The following ANKFN1 variants were observed in gnomAD, a reference collection of about 807,000 sequenced individuals.
The protein encoded by ANKFN1 is ankyrin repeat and fibronectin type-III domain-containing protein 1.
A neutral mutation model predicts 108.7 loss-of-function variants in ANKFN1; 74 were observed. The ratio of observed to expected loss-of-function variants is 0.68; its 90% confidence interval spans 0.56 to 0.83. The LOEUF is 0.83. Among genes scored for constraint, ANKFN1 ranks in the 40% least tolerant of loss-of-function variants. The probability of loss-of-function intolerance (pLI) is 0.00; values close to 1 mark genes in which losing one functional copy is unlikely to be tolerated. For missense variants in ANKFN1, 1,505 were observed against 1,382.3 expected (o/e 1.09, Z -1.41); for synonymous variants, 547 against 516.2 (o/e 1.06, Z -0.81).
intron 3 of ANKFN1, among the ~76,000 whole-genome samples, chr17:56,301,083 A>G (rs563155385): frequency 6.6e-6 from 1 of 152,370 alleles, no homozygotes; most frequent in East Asian, 1.9e-4. Flanking sequence ...CTTGGTGAAG[A>G]TGACATTCCT....
Position 56,076,053 on chromosome 17 carries a change from T to C in ANKFN1, c.288+29728T>C, listed in dbSNP as rs548386132. ...CTCTGGCATCTCTACCTATCTCTGA[T>C]ACACAATTTGGACTTTGCTAAATTT... On this transcript the variant is annotated intron_variant, in intron 4 of 12. Transcript: ENST00000635860. Among the ~76,000 whole-genome samples, 21 of 152,332 alleles carry C rather than the reference T, an allele frequency of 1.4e-4. No homozygotes were observed. The East Asian group carries it at 3.9e-3, about 28-fold the overall frequency.
At chr17:56,223,357 T>A (rs550595609) in intron 2 of ANKFN1, among the ~76,000 whole-genome samples, 11 of 152,316 alleles carry the variant, frequency 7.2e-5, no homozygotes, top group African/African-American at 2.6e-4. Flanking sequence ...AAATATTTTC[T>A]AAATGTTTGA....
At chr17:56,397,336 G>T (rs370367526) in intron 8 of ANKFN1, among the ~76,000 whole-genome samples, 2 of 152,264 alleles carry the variant, frequency 1.3e-5, no homozygotes, top group South Asian at 4.2e-4. Flanking sequence ...TTCTGATGAC[G>T]TGTGTGCTAA....
intron 14 of ANKFN1, among the ~76,000 whole-genome samples, chr17:56,463,144 G>T (rs899518464): frequency 6.6e-6 from 1 of 152,164 alleles, no homozygotes; most frequent in Non-Finnish European, 1.5e-5. Flanking sequence ...TAACAGACTA[G>T]GTGCCAGGCA....
rs554392150 is a variant in ANKFN1 at position 56,300,761 on chromosome 17, T to C, written c.54-25460T>C. On this transcript the variant is annotated intron_variant, in intron 3 of 20. Coordinates refer to ENST00000682825, the MANE Select transcript of ANKFN1 (RefSeq NM_001370326.1). ...TCCACACTTAGGCAGATGTCAATCATTGGCAATGTGCTGTGATGGAGTCCT... is the reference window on the plus strand; with the variant it reads ...TCCACACTTAGGCAGATGTCAATCACTGGCAATGTGCTGTGATGGAGTCCT... Among the ~76,000 whole-genome samples, 4 of 152,318 alleles carry C rather than the reference T, an allele frequency of 2.6e-5. No homozygotes were observed. In the South Asian group the frequency reaches 8.3e-4, roughly 32 times the overall value.
chr17:56,482,071 A>G (rs1401013731), intron 17 of ANKFN1, among the ~76,000 whole-genome samples: 2 of 151,936 alleles, frequency 1.3e-5, no homozygotes, highest in Admixed American at 6.6e-5. Context: ...TTGTTGCTTC[A>G]TGTAATTATA....
intron 18 of ANKFN1, among the ~76,000 whole-genome samples, chr17:56,483,627 G>T (rs531662021): frequency 4.6e-5 from 7 of 152,314 alleles, no homozygotes; most frequent in African/African-American, 1.7e-4. Context: ...GAGAGTCCTG[G>T]ATTCCCTATT....
At chr17:56,173,480 G>A (rs367872838) in intron 1 of ANKFN1, among the ~76,000 whole-genome samples, 194 of 151,904 alleles carry the variant, frequency 1.3e-3, no homozygotes, top group Non-Finnish European at 2.3e-3. Flanking sequence ...CTCAGCATGC[G>A]TCACCTTGCC....
rs1233190779 is a variant in ANKFN1, at chr17:56,477,661, G to A, written c.1940+7G>A. The A allele has an allele frequency of 3.1e-6, 5 of 1,611,506 alleles. No individual in the cohort carries two copies. Among genetic ancestry groups the A allele is most frequent in the Admixed American group, 1.7e-5 (1 of 59,588 alleles). On this transcript the variant is annotated splice_region_variant and intron_variant, in intron 16 of 20. Coordinates refer to ENST00000682825, the MANE Select transcript of ANKFN1 (RefSeq NM_001370326.1). ...AAAACAATAATATTTCTAGGTAAGT[G>A]ATCAGGAGTTAAGATTTTCCTTGTG...
chr17:56,183,861 C>A (rs539464385), intron 1 of ANKFN1, among the ~76,000 whole-genome samples: 1 of 152,276 alleles, frequency 6.6e-6, no homozygotes, highest in South Asian at 2.1e-4. Context: ...GAAGAAACTG[C>A]ATATGTGGTA....
intron 6 of ANKFN1, among the ~76,000 whole-genome samples, chr17:56,361,938 C>T (rs2046533339): frequency 6.6e-6 from 1 of 152,038 alleles, no homozygotes; most frequent in African/African-American, 2.4e-5. Flanking sequence ...ACATGTATAA[C>T]CTAATCTCAG....
chr17:56,321,063 GA>G (rs11332530), intron 3 of ANKFN1, among the ~76,000 whole-genome samples: 33,570 of 114,222 alleles, frequency 0.29, 4,150 homozygotes, highest in East Asian at 0.44. Flanking sequence ...TTTTCTTTAG[GA>G]AAAAAAAAAA....
chr17:56,339,538 A>G (rs898814065), intron 4 of ANKFN1, among the ~76,000 whole-genome samples: 3 of 152,136 alleles, frequency 2.0e-5, no homozygotes, highest in Non-Finnish European at 2.9e-5. Context: ...GCTCTCACTT[A>G]TAAGTGACAA....
At chr17:56,455,583 A>G (rs1252792035) in intron 11 of ANKFN1, among the ~76,000 whole-genome samples, 1 of 152,336 alleles carries the variant, frequency 6.6e-6, no homozygotes, top group East Asian at 1.9e-4. Flanking sequence ...CATGTCTGTC[A>G]GCAGTCTGGT....
In ANKFN1 at chr17:56,167,052, A is replaced by C. The variant is rs548306836; in HGVS notation, c.-71+13522A>C. On this transcript the variant is annotated intron_variant, in intron 1 of 20. Coordinates refer to ENST00000682825, the MANE Select transcript of ANKFN1 (RefSeq NM_001370326.1). The stretch of plus-strand genomic sequence containing the variant: ...AAATCAATAATGACTTGTTTAACAG[A>C]AGGAAGAAAGGAAGAAATGGAGATA... 6.6e-5 allele frequency among the ~76,000 whole-genome samples: 10 copies of C among 152,038 alleles called. No individual in the cohort carries two copies. In the South Asian group the frequency reaches 1.2e-3, roughly 19 times the overall value.
intron 3 of ANKFN1, among the ~76,000 whole-genome samples, chr17:56,265,320 C>A (rs1024822599): frequency 1.2e-4 from 18 of 152,098 alleles, no homozygotes; most frequent in Admixed American, 1.2e-3. Flanking sequence ...GAAGCAAGCA[C>A]CTTCTTCACA....
At chr17:56,279,590 CT>C (rs1454397394) in intron 3 of ANKFN1, among the ~76,000 whole-genome samples, 2 of 140,098 alleles carry the variant, frequency 1.4e-5, no homozygotes, top group African/African-American at 3.3e-5. Context: ...AATCTTCCCC[CT>C]CTCTCTGTTT....
At chr17:56,105,707 T>TGTCTGTGTG (rs1555594321) in intron 4 of ANKFN1, among the ~76,000 whole-genome samples, 1 of 76,324 alleles carries the variant, frequency 1.3e-5, no homozygotes, top group Non-Finnish European at 2.4e-5. Flanking sequence ...GGGGGTTTTT[T>TGTCTGTGTG]TGTCTGTGTG....
At chr17:56,327,681 A>G (rs1363720771) in intron 4 of ANKFN1, among the ~76,000 whole-genome samples, 1 of 152,166 alleles carries the variant, frequency 6.6e-6, no homozygotes, top group Non-Finnish European at 1.5e-5. Flanking sequence ...GGATAGTTGC[A>G]TATTTGTGCT....
Sources: gnomAD v4.1 joint callset for allele counts (sites outside exome capture counted in the v4.1 genomes callset) on GRCh38, gnomAD v4.1.1 for gene constraint, MANE v1.5 for transcripts, NCBI Gene and HGNC (gene_info 2026-07-23, HGNC 2026-07-21) for gene names.